Variants in KANK1 observed in about 807,000 individuals in gnomAD.
KANK1 encodes KN motif and ankyrin repeat domains 1.
KANK1 carries 109 observed loss-of-function variants against 106.2 expected under a neutral mutation model. The observed-to-expected ratio is 1.03, with a 90% CI of 0.88 to 1.20. The LOEUF (loss-of-function observed/expected upper bound fraction) is 1.20. KANK1 is among the 50% of genes most tolerant of loss of function. KANK1 has a pLI of 0.00. For missense variants in KANK1, 2,399 were observed against 1,710.7 expected (o/e 1.40, Z -7.10); for synonymous variants, 873 against 652.2 (o/e 1.34, Z -5.16).
At chr9:626,730 A>T (rs1178034753) in intron 1 of KANK1, among the ~76,000 whole-genome samples, 1 of 152,244 alleles carries the variant, frequency 6.6e-6, no homozygotes, top group Non-Finnish European at 1.5e-5. Flanking sequence ...GACAGAATAT[A>T]TTTGTGCTTA....
intron 3 of KANK1, among the ~76,000 whole-genome samples, chr9:490,593 A>C (rs1309435257): frequency 6.6e-6 from 1 of 152,234 alleles, no homozygotes; most frequent in Admixed American, 6.5e-5. Flanking sequence ...AGAAAGATCT[A>C]TTTGGACAAA....
intron 2 of KANK1, among the ~76,000 whole-genome samples, chr9:705,853 G>A (rs901500646): frequency 2.6e-5 from 4 of 151,872 alleles, no homozygotes; most frequent in South Asian, 4.2e-4. Flanking sequence ...CACCCTCCTC[G>A]GTCTCCCAAA....
In KANK1 at chr9:520,828, C is replaced by T. The variant is rs76047228; in HGVS notation, c.-84+16074C>T. On this transcript the variant is annotated intron_variant, in intron 1 of 11. Coordinates refer to ENST00000382297, the MANE Select transcript of KANK1 (RefSeq NM_015158.5). The stretch of plus-strand genomic sequence containing the variant: ...TTAGTTGTTTCCCATGGCTCCAGAT[C>T]TGTATTTTAATCAAGAAGTTACACT... Among the ~76,000 whole-genome samples, 155 of 151,756 alleles carry T rather than the reference C, an allele frequency of 1.0e-3. 3 individuals carry two copies. The East Asian group carries it at 0.022, about 21-fold the overall frequency.
At chr9:534,957 A>G (rs1438130645) in intron 1 of KANK1, among the ~76,000 whole-genome samples, 1 of 152,204 alleles carries the variant, frequency 6.6e-6, no homozygotes, top group African/African-American at 2.4e-5. Flanking sequence ...CTGAGGTAAG[A>G]AGCCAGACCA....
intron 1 of KANK1, among the ~76,000 whole-genome samples, chr9:542,845 A>T (rs1587661692): frequency 6.6e-6 from 1 of 151,812 alleles, no homozygotes; most frequent in Admixed American, 6.6e-5. Context: ...AGAAAGTCAA[A>T]CTCTCACAGA....
chr9:510,264 C>G (rs760242245), intron 1 of KANK1, among the ~76,000 whole-genome samples: 1 of 152,094 alleles, frequency 6.6e-6, no homozygotes, highest in Non-Finnish European at 1.5e-5. Context: ...TTAGGTATCA[C>G]TGATTAATTT....
chr9:504,162 C>G (rs1045464359), upstream of KANK1, among the ~76,000 whole-genome samples: 1 of 152,166 alleles, frequency 6.6e-6, no homozygotes, highest in Non-Finnish European at 1.5e-5. Context: ...GCAGGCCAGC[C>G]TCGTTGCCAG....
At chr9:694,396 A>G (rs1416316665) in intron 2 of KANK1, among the ~76,000 whole-genome samples, 1 of 152,248 alleles carries the variant, frequency 6.6e-6, no homozygotes, top group East Asian at 1.9e-4. Context: ...GGAAAATAAC[A>G]GTCCAAGCTC....
intron 1 of KANK1, among the ~76,000 whole-genome samples, chr9:643,327 G>A (rs1208621724): frequency 1.3e-5 from 2 of 150,674 alleles, no homozygotes; most frequent in Non-Finnish European, 2.9e-5. Flanking sequence ...ATTGTTTTAA[G>A]ATCTGCTTTT....
intron 5 of KANK1, chr9:731,959 G>T (rs1028436977): frequency 1.9e-5 from 3 of 157,702 alleles, no homozygotes; most frequent in African/African-American, 2.4e-5. Flanking sequence ...GGAGATTTTG[G>T]AGGGCATACA....
chr9:507,998 T>C lies in KANK1; in HGVS notation c.-84+3244T>C, dbSNP rs187433249. ...CCCACACTTGGCTAATTTTTGTATT[T>C]TTGTTAGAGACGGGGGTTTTACCAT... On this transcript the variant is annotated intron_variant, in intron 1 of 11. Transcript: ENST00000382297. 6.0e-4 allele frequency among the ~76,000 whole-genome samples: 91 copies of C among 152,128 alleles called. No individual in the cohort carries two copies. In the East Asian group the frequency reaches 0.015, roughly 24 times the overall value.
chr9:662,665 A>ATTATTTTT (rs1843605378), intron 1 of KANK1, among the ~76,000 whole-genome samples: 1 of 141,764 alleles, frequency 7.1e-6, no homozygotes, highest in African/African-American at 2.7e-5. Flanking sequence ...ACAAAAGTTA[A>ATTATTTTT]TTTTTTTTTT....
At chr9:744,892 C>T in intron 11 of KANK1, 1 of 1,413,766 alleles carries the variant, frequency 7.1e-7, no homozygotes, top group Non-Finnish European at 9.2e-7. Flanking sequence ...GATATTTCGC[C>T]ATGGTTCTGG....
At chr9:624,786 G>A (rs1282980586) in intron 1 of KANK1, among the ~76,000 whole-genome samples, 4 of 152,078 alleles carry the variant, frequency 2.6e-5, no homozygotes, top group South Asian at 2.1e-4. Flanking sequence ...GTGACAGAGC[G>A]AGACTCTGTC....
At chr9:675,680 G>A (rs927035471) in intron 1 of KANK1, among the ~76,000 whole-genome samples, 1 of 152,026 alleles carries the variant, frequency 6.6e-6, no homozygotes, top group Non-Finnish European at 1.5e-5. Context: ...ACTGGAAAGG[G>A]GTCTTAATCC....
intron 1 of KANK1, among the ~76,000 whole-genome samples, chr9:610,507 G>A (rs1380721299): frequency 6.6e-6 from 1 of 152,192 alleles, no homozygotes; most frequent in East Asian, 1.9e-4. Context: ...CTGTGGATAA[G>A]CCATAGAGGT....
chr9:698,237 C>T (rs1316743571), intron 2 of KANK1, among the ~76,000 whole-genome samples: 1 of 152,160 alleles, frequency 6.6e-6, no homozygotes, highest in African/African-American at 2.4e-5. Flanking sequence ...CTTAGCCTCA[C>T]AGGCATTTTC....
intron 1 of KANK1, among the ~76,000 whole-genome samples, chr9:567,529 C>A (rs1818102877): frequency 6.6e-6 from 1 of 152,232 alleles, no homozygotes; most frequent in African/African-American, 2.4e-5. Flanking sequence ...GGTCAGATAT[C>A]TCTTACTGTC....
At chr9:728,195 T>C (rs1165000681) in intron 3 of KANK1, among the ~76,000 whole-genome samples, 2 of 151,974 alleles carry the variant, frequency 1.3e-5, no homozygotes, top group South Asian at 2.1e-4. Flanking sequence ...TTTTGTTTTG[T>C]TTCTTTTGTT....
Sources: allele counts gnomAD v4.1 joint callset (sites outside exome capture counted in the v4.1 genomes callset), GRCh38; gene constraint gnomAD v4.1.1; transcripts MANE v1.5; gene names NCBI Gene and HGNC (gene_info 2026-07-23, HGNC 2026-07-21).